LRRC37A2: variants seen among roughly 807,000 people sequenced by gnomAD.
LRRC37A2 encodes leucine-rich repeat-containing protein 37A2.
In LRRC37A2, 9 loss-of-function variants were observed where a neutral mutation model predicts 68.8. That is an observed-to-expected ratio of 0.13 (90% CI 0.08 to 0.23). The LOEUF is 0.23. LRRC37A2 is among the 10% of genes least tolerant of loss of function. The pLI is 1.00. For missense variants in LRRC37A2, 168 were observed against 950.4 expected (o/e 0.18, Z 10.82); for synonymous variants, 63 against 367.6 (o/e 0.17, Z 9.48).
the LRRC37A2 span, among the ~76,000 whole-genome samples, chr17:46,860,403 T>A: frequency 6.6e-6 from 1 of 152,062 alleles, no homozygotes; most frequent in Non-Finnish European, 1.5e-5. Context: ...ATGAGCAGGA[T>A]CGGACATGGC....
chr17:46,895,917 TG>T, the LRRC37A2 span, among the ~76,000 whole-genome samples: 1 of 151,870 alleles, frequency 6.6e-6, no homozygotes, highest in Non-Finnish European at 1.5e-5. Flanking sequence ...GGTGGGAGCC[TG>T]GTGCTGGGCA....
chr17:47,000,120 ATAAAAT>A, the LRRC37A2 span, among the ~76,000 whole-genome samples: 31 of 143,690 alleles, frequency 2.2e-4, 1 homozygote, highest in East Asian at 1.4e-3. Flanking sequence ...ATAAAATAAA[ATAAAAT>A]AAAATAAAAT....
the LRRC37A2 span, among the ~76,000 whole-genome samples, chr17:46,951,522 G>A: frequency 1.0e-3 from 158 of 152,274 alleles, no homozygotes; most frequent in Non-Finnish European, 1.7e-3. Flanking sequence ...TTTAACTGGC[G>A]TAGCCCTTGA....
At chr17:46,927,371 A>G in the LRRC37A2 span, among the ~76,000 whole-genome samples, 354 of 151,836 alleles carry the variant, frequency 2.3e-3, 1 homozygote, top group Middle Eastern at 3.4e-3. Flanking sequence ...TTTTGTTTTC[A>G]TGTTGTCAGA....
the LRRC37A2 span, among the ~76,000 whole-genome samples, chr17:46,918,630 CACACACACAT>C: frequency 1.5e-4 from 21 of 141,672 alleles, no homozygotes; most frequent in Non-Finnish European, 1.7e-4. Flanking sequence ...CACACACACA[CACACACACAT>C]ACAATTTCCC....
the LRRC37A2 span, chr17:46,940,711 A>C: frequency 6.2e-7 from 1 of 1,604,932 alleles, no homozygotes; most frequent in Non-Finnish European, 8.5e-7. Context: ...TGCTTTCCAC[A>C]CTTGACAGTG....
the LRRC37A2 span, chr17:46,942,047 A>T: frequency 0.059 from 40,502 of 684,240 alleles, 1,354 homozygotes; most frequent in Admixed American, 0.13. Flanking sequence ...ATTTGAGGAG[A>T]CTTTGAGGAA....
intron 6 of LRRC37A2, 78 bp from the exon 6 acceptor site, chr17:46,540,098 C>CA: frequency 6.5e-7 from 1 of 1,543,968 alleles, no homozygotes; most frequent in Non-Finnish European, 8.7e-7. Flanking sequence ...AGTTCCATAT[C>CA]AAAAAATGAA....
At chr17:47,028,626 T>C in the LRRC37A2 span, among the ~76,000 whole-genome samples, 1 of 152,172 alleles carries the variant, frequency 6.6e-6, no homozygotes, top group Non-Finnish European at 1.5e-5. Flanking sequence ...ATTAGCCTTA[T>C]TGCTGGGCGG....
chr17:46,876,215 G>A, the LRRC37A2 span: 1 of 1,566,200 alleles, frequency 6.4e-7, no homozygotes, highest in Middle Eastern at 1.7e-4. Context: ...CCAGGCCTCT[G>A]ACCACGCCTC....
the LRRC37A2 span, among the ~76,000 whole-genome samples, chr17:46,927,504 A>T: frequency 3.3e-5 from 5 of 152,166 alleles, no homozygotes; most frequent in Admixed American, 6.5e-5. Context: ...TTTTCTTCAG[A>T]AAGTTTGAAA....
chr17:46,804,113 A>C, the LRRC37A2 span, among the ~76,000 whole-genome samples: 1 of 151,774 alleles, frequency 6.6e-6, no homozygotes, highest in African/African-American at 2.4e-5. Context: ...TTTGAGACAG[A>C]GTCTCACTCT....
chr17:46,762,883 T>A, the LRRC37A2 span: 1 of 152,220 alleles, frequency 6.6e-6, no homozygotes, highest in Non-Finnish European at 1.5e-5. Flanking sequence ...TACATAGATA[T>A]GAAAAGATTG....
At chr17:46,798,336 C>A in the LRRC37A2 span, among the ~76,000 whole-genome samples, 4 of 152,316 alleles carry the variant, frequency 2.6e-5, no homozygotes, top group South Asian at 6.2e-4. Flanking sequence ...ATGGACACGA[C>A]GGCCTAGTCA....
chr17:46,738,986 A>C, the LRRC37A2 span, among the ~76,000 whole-genome samples: 1 of 151,978 alleles, frequency 6.6e-6, no homozygotes, highest in Non-Finnish European at 1.5e-5. Context: ...CCGTAATCCC[A>C]GCACTTTGGG....
chr17:46,935,433 A>G, the LRRC37A2 span: 1 of 1,418,930 alleles, frequency 7.0e-7, no homozygotes, highest in Non-Finnish European at 9.2e-7. Context: ...TGAACTTATC[A>G]TGAAAGTGAG....
the LRRC37A2 span, among the ~76,000 whole-genome samples, chr17:46,856,674 C>T: frequency 2.6e-5 from 4 of 151,914 alleles, no homozygotes; most frequent in African/African-American, 9.7e-5. Context: ...AGTGAAGACA[C>T]GGTTTCACCA....
At chr17:46,881,086 A>G in the LRRC37A2 span, among the ~76,000 whole-genome samples, 1 of 152,200 alleles carries the variant, frequency 6.6e-6, no homozygotes, top group Non-Finnish European at 1.5e-5. Flanking sequence ...CTCGCCCACC[A>G]GGATCCTCCT....
the LRRC37A2 span, among the ~76,000 whole-genome samples, chr17:46,858,641 C>T: frequency 6.6e-6 from 1 of 152,136 alleles, no homozygotes; most frequent in African/African-American, 2.4e-5. Context: ...CATACAGCCC[C>T]TTCTCTCACC....
Sources: allele counts gnomAD v4.1 joint callset (sites outside exome capture counted in the v4.1 genomes callset), GRCh38; gene constraint gnomAD v4.1.1; transcripts MANE v1.5; gene names NCBI Gene and HGNC (gene_info 2026-07-23, HGNC 2026-07-21).